Variants in SKA3 observed in about 807,000 individuals in gnomAD.
SKA3 encodes spindle and kinetochore associated complex subunit 3.
In SKA3, 39 loss-of-function variants were observed where a neutral mutation model predicts 44.2. That is an observed-to-expected ratio of 0.88 (90% CI 0.68 to 1.15). The LOEUF is 1.15. Ranked by LOEUF, SKA3 falls within the 50% of genes most tolerant of loss-of-function variation. The pLI, the probability that SKA3 is intolerant of heterozygous loss-of-function variation, is 0.00. For missense variants in SKA3, 511 were observed against 485.8 expected (o/e 1.05, Z -0.49); for synonymous variants, 192 against 172.0 (o/e 1.12, Z -0.91).
At chr13:21,166,583 A>C (rs1870725112) in intron 4 of SKA3, among the ~76,000 whole-genome samples, 1 of 152,136 alleles carries the variant, frequency 6.6e-6, no homozygotes, top group Admixed American at 6.5e-5. Flanking sequence ...AAAATACAAA[A>C]ATTAGCCAAA....
At chr13:21,163,582 G>T (rs889653776) in intron 4 of SKA3, among the ~76,000 whole-genome samples, 2 of 151,830 alleles carry the variant, frequency 1.3e-5, no homozygotes, top group Non-Finnish European at 2.9e-5. Flanking sequence ...GTCTTTTTTG[G>T]TATTCTCTCT....
chr13:21,155,938 A>G, intron 7 of SKA3, 127 bp from the exon 8 acceptor site: 2 of 608,374 alleles, frequency 3.3e-6, no homozygotes, highest in African/African-American at 1.9e-5. Context: ...CTGCAGTTCC[A>G]GCACTTTGGG....
At chr13:21,159,131 G>C (rs530364393) in intron 6 of SKA3, among the ~76,000 whole-genome samples, 13 of 152,198 alleles carry the variant, frequency 8.5e-5, no homozygotes, top group Non-Finnish European at 1.8e-4. Flanking sequence ...AGATATACTA[G>C]CCACATTTTC....
At chr13:21,167,610 C>CA (rs1870781749) in intron 4 of SKA3, among the ~76,000 whole-genome samples, 2 of 151,506 alleles carry the variant, frequency 1.3e-5, no homozygotes, top group Non-Finnish European at 1.5e-5. Context: ...ACTAAAAATA[C>CA]AAAAAAATTA....
intron 4 of SKA3, among the ~76,000 whole-genome samples, chr13:21,163,759 T>G (rs1370615571): frequency 1.3e-5 from 2 of 152,136 alleles, no homozygotes; most frequent in African/African-American, 2.4e-5. Flanking sequence ...TCAATTGTAT[T>G]TCTTCTGGGG....
In SKA3 at chr13:21,154,181, A is replaced by G. The variant is rs1327179; in HGVS notation, c.*969T>C. On this transcript the variant is annotated 3_prime_UTR_variant, in exon 9 of 9. Coordinates refer to ENST00000314759, the MANE Select transcript of SKA3 (RefSeq NM_145061.6). ...TCTCAAATTTTTAATGGTTCTCCAC[A>G]GTATGCTAGGTCCTTATTTTCTCAT... The G allele has an allele frequency of 0.77, 117,286 of 152,026 alleles. 42,991 individuals carry two copies. The highest frequency in any genetic ancestry group is 0.82 in the Middle Eastern group (238 of 292). 9.4% of individuals were successfully genotyped at this position (152,026 alleles called of 1,614,324 possible).
At chr13:21,167,511 A>G (rs1870775863) in intron 4 of SKA3, among the ~76,000 whole-genome samples, 1 of 152,176 alleles carries the variant, frequency 6.6e-6, no homozygotes, top group Non-Finnish European at 1.5e-5. Context: ...TCACGCCTGT[A>G]ATCCCAGCAC....
At chr13:21,158,282 C>A (rs559199343) in intron 6 of SKA3, among the ~76,000 whole-genome samples, 157 bp from the exon 7 acceptor site, 16 of 152,246 alleles carry the variant, frequency 1.1e-4, no homozygotes, top group African/African-American at 3.6e-4. Context: ...GAACAAATGG[C>A]ATACAGAGGA....
rs1345231167 is a variant in SKA3, at chr13:21,154,886, G to A, written c.*264C>T. 1 of 577,882 alleles carries A rather than the reference G, an allele frequency of 1.7e-6. No individual in the cohort carries two copies. The highest frequency in any genetic ancestry group is 1.9e-5 in the African/African-American group (1 of 51,798). The allele number at this position is 577,882 out of a possible 1,614,324, so 35.8% of individuals were successfully genotyped here. On this transcript the variant is annotated 3_prime_UTR_variant, in exon 9 of 9. Coordinates refer to ENST00000314759, the MANE Select transcript of SKA3 (RefSeq NM_145061.6). ...CTGGTACTACTTAAACCATTCTGTT[G>A]ATTAAGCTGGGTAATTTAGTATCAA...
chr13:21,158,178 A>C (rs1335466771), intron 6 of SKA3, 53 bp from the exon 7 acceptor site: 13 of 1,038,174 alleles, frequency 1.3e-5, no homozygotes, highest in Non-Finnish European at 1.7e-5. Context: ...TAATGTAGTA[A>C]ATAAAAATAG....
intron 4 of SKA3, among the ~76,000 whole-genome samples, chr13:21,164,912 C>T (rs576142569): frequency 6.6e-6 from 1 of 152,146 alleles, no homozygotes; most frequent in South Asian, 2.1e-4. Flanking sequence ...ATAGAATAAA[C>T]AAATATCGTT....
At chr13:21,164,337 G>C (rs2137368085) in intron 4 of SKA3, among the ~76,000 whole-genome samples, 1 of 152,098 alleles carries the variant, frequency 6.6e-6, no homozygotes, top group Non-Finnish European at 1.5e-5. Flanking sequence ...ACTTTCTCCT[G>C]TTAGTTATTT....
chr13:21,174,714 A>G (rs1871339538), intron 1 of SKA3, among the ~76,000 whole-genome samples: 1 of 152,140 alleles, frequency 6.6e-6, no homozygotes, highest in African/African-American at 2.4e-5. Flanking sequence ...CATGTACCCT[A>G]GAACTTAAAA....
chr13:21,169,355 A>G (rs1284868437), intron 3 of SKA3, among the ~76,000 whole-genome samples: 1 of 152,024 alleles, frequency 6.6e-6, no homozygotes, highest in East Asian at 1.9e-4. Flanking sequence ...ACGCACCACC[A>G]TGCCCAGCTA....
intron 3 of SKA3, 88 bp from the exon 4 acceptor site, chr13:21,168,487 T>C: frequency 2.8e-6 from 3 of 1,084,150 alleles, no homozygotes; most frequent in Admixed American, 5.8e-5. Context: ...TTATCTGAAA[T>C]TTCCCAAATC....
chr13:21,160,967 A>G (rs1270976530), intron 5 of SKA3, among the ~76,000 whole-genome samples: 2 of 152,154 alleles, frequency 1.3e-5, no homozygotes, highest in East Asian at 3.9e-4. Context: ...CCAAAAAAAT[A>G]CAAACATTAG....
At chr13:21,156,850 G>A in intron 7 of SKA3, among the ~76,000 whole-genome samples, 1 of 4,326 alleles carries the variant, frequency 2.3e-4, no homozygotes, top group Non-Finnish European at 6.5e-4. Context: ...CATGAGGTCA[G>A]GAGATCGAGA....
Position 21,176,484 on chromosome 13 carries a change from C to T in SKA3, c.-7G>A, listed in dbSNP as rs1305757501. 2 of 1,526,616 alleles carry T rather than the reference C, an allele frequency of 1.3e-6. No individual in the cohort carries two copies. The highest frequency in any genetic ancestry group is 1.8e-6 in the Non-Finnish European group (2 of 1,133,782). 94.6% of individuals were successfully genotyped at this position (1,526,616 alleles called of 1,614,324 possible). On this transcript the variant is annotated 5_prime_UTR_variant, in exon 1 of 9. Coordinates refer to ENST00000314759, the MANE Select transcript of SKA3 (RefSeq NM_145061.6). ...AGCTCCGGATAGGGTCCATGCTGAG[C>T]ACAGCGGGGAAGGACTCCAGGCGTA...
chr13:21,165,065 T>C (rs992118661), intron 4 of SKA3, among the ~76,000 whole-genome samples: 1 of 152,070 alleles, frequency 6.6e-6, no homozygotes, highest in Non-Finnish European at 1.5e-5. Flanking sequence ...TAAATATTTA[T>C]CTTTTTGATC....
Sources: gnomAD v4.1 joint callset for allele counts (sites outside exome capture counted in the v4.1 genomes callset) on GRCh38, gnomAD v4.1.1 for gene constraint, MANE v1.5 for transcripts, NCBI Gene and HGNC (gene_info 2026-07-23, HGNC 2026-07-21) for gene names.